Variants in QRICH2 observed in about 807,000 individuals in gnomAD.
QRICH2 encodes glutamine rich 2, also known as glutamine-rich protein 2.
In QRICH2, 119 loss-of-function variants were observed where a neutral mutation model predicts 168.3. The ratio of observed to expected loss-of-function variants is 0.71; its 90% confidence interval spans 0.61 to 0.82. QRICH2 has a LOEUF of 0.82. Among genes scored for constraint, QRICH2 ranks in the 40% least tolerant of loss-of-function variants. The pLI, the probability that QRICH2 is intolerant of heterozygous loss-of-function variation, is 0.00. For synonymous variants in QRICH2, 894 were observed against 951.2 expected (o/e 0.94, Z 1.11); for missense variants, 2,241 against 2,491.6 (o/e 0.90, Z 2.14).
chr17:76,279,089 C>T lies in QRICH2; in HGVS notation c.4868G>A (p.Arg1623His), dbSNP rs200114137. The change falls in exon 14 of 19, where the codon CGC becomes CAC. Residue 1623 changes from arginine (R) to histidine (H), a missense_variant. Transcript: ENST00000680821. ...GPGLPGHHSI[R>H]PYTVFELEQV... Reference sequence around the variant, plus strand: ...CTCCAGTTCAAACACCGTGTAGGGGCGGATGGAATGGTGCCCAGGTAGGCC... The same window carrying T: ...CTCCAGTTCAAACACCGTGTAGGGGTGGATGGAATGGTGCCCAGGTAGGCC... The T allele has an allele frequency of 1.2e-3, 1,857 of 1,613,858 alleles. 40 individuals carry two copies. The South Asian group carries it at 0.019, about 16-fold the overall frequency.
At chr17:76,303,872 CAAAAAAAA>C (rs67296304) in intron 3 of QRICH2, among the ~76,000 whole-genome samples, 1 of 71,674 alleles carries the variant, frequency 1.4e-5, no homozygotes, top group African/African-American at 5.4e-5. Flanking sequence ...AACTCTGTCT[CAAAAAAAA>C]AAAAAAAAAA....
At chr17:76,284,821 A>G (rs893195173) in intron 7 of QRICH2, among the ~76,000 whole-genome samples, 1 of 146,216 alleles carries the variant, frequency 6.8e-6, no homozygotes. Context: ...CGTCTCAAAG[A>G]AAAAAAAAAA....
chr17:76,289,115 A>AG (rs2070942697), intron 5 of QRICH2, among the ~76,000 whole-genome samples: 1 of 151,840 alleles, frequency 6.6e-6, no homozygotes, highest in Admixed American at 6.6e-5. Flanking sequence ...AAAAAAAAAA[A>AG]AAAGAAAAAA....
chr17:76,304,323 T>C, intron 3 of QRICH2, 92 bp downstream of exon 3: 1 of 748,620 alleles, frequency 1.3e-6, no homozygotes, highest in Non-Finnish European at 2.2e-6. Context: ...GAACTATGAA[T>C]ATCCATAGAA....
chr17:76,274,123 G>A lies in QRICH2; in HGVS notation c.5620C>T (p.Leu1874Phe). The stretch of plus-strand genomic sequence containing the variant: ...CGCGGCCCCCGCGTGGGCTCCTCGA[G>A]CCCCTCCCCAGGAGGCATGTCCACG... ...RHVDMPPGEGLEEPTRGPRSS... is the reference protein window; with the variant it reads ...RHVDMPPGEGFEEPTRGPRSS... Residue 1874 changes from leucine to phenylalanine, a missense_variant, in exon 19 of 19, where the codon CTC (leucine) becomes TTC (phenylalanine). Coordinates refer to ENST00000680821, the MANE Select transcript of QRICH2 (RefSeq NM_001388453.1). 6.3e-7 allele frequency: 1 copy of A among 1,587,776 alleles called. No individual in the cohort carries two copies. The highest frequency in any genetic ancestry group is 2.4e-5 in the East Asian group (1 of 42,208).
rs772576538 is a variant in QRICH2, at chr17:76,304,478, G to A, written c.642C>T (p.Val214=). 3.1e-6 allele frequency: 5 copies of A among 1,613,708 alleles called. No individual in the cohort carries two copies. The South Asian group carries it at 5.5e-5, about 18-fold the overall frequency. The change falls in exon 3 of 19, where the codon GTC becomes GTT. Residue 214 remains valine (V), a synonymous_variant. Coordinates refer to ENST00000680821, the MANE Select transcript of QRICH2 (RefSeq NM_001388453.1). ...KLSLVPGAEE[V]TMVTWEELEQ... Reference sequence around the variant, plus strand: ...CCAGCTCTTCCCAGGTGACCATGGTGACTTCTTCTGCACCAGGAACCAAAC... The same window carrying A: ...CCAGCTCTTCCCAGGTGACCATGGTAACTTCTTCTGCACCAGGAACCAAAC...
At chr17:76,306,180 A>C (rs1270147065) in intron 1 of QRICH2, among the ~76,000 whole-genome samples, 1 of 151,270 alleles carries the variant, frequency 6.6e-6, no homozygotes, top group African/African-American at 2.4e-5. Context: ...AAAAAAAAAA[A>C]AAAAAAAAAA....
chr17:76,303,851 TAATAG>T (rs1228197930), intron 3 of QRICH2, among the ~76,000 whole-genome samples: 2 of 107,158 alleles, frequency 1.9e-5, no homozygotes, highest in Non-Finnish European at 3.5e-5. Flanking sequence ...CCAGCCTGGG[TAATAG>T]AGCAAAACTC....
In QRICH2 at chr17:76,280,204, G is replaced by A. The variant is rs1279719097; in HGVS notation, c.4627-50C>T. 5 of 1,607,574 alleles carry A rather than the reference G, an allele frequency of 3.1e-6. No individual in the cohort carries two copies. Among genetic ancestry groups the A allele is most frequent in the Non-Finnish European group, 4.3e-6 (5 of 1,175,982 alleles). On this transcript the variant is annotated intron_variant, in intron 11 of 18. Coordinates refer to ENST00000680821, the MANE Select transcript of QRICH2 (RefSeq NM_001388453.1). This position sits in a 1 kb window ranked among gnomAD's most constrained non-coding sequence, Gnocchi z 7.4. ...GGGACCTCTAAGGAAGCAGGTAGGG[G>A]GCTGACCCAGGAGAAGGTGGTGCTG...
intron 4 of QRICH2, among the ~76,000 whole-genome samples, chr17:76,290,681 A>G (rs1470764761): frequency 2.0e-5 from 3 of 152,124 alleles, no homozygotes; most frequent in Non-Finnish European, 4.4e-5. Flanking sequence ...CATTGCTCCC[A>G]GTCAAAATGT....
Position 76,307,774 on chromosome 17 carries a change from C to A in QRICH2, c.225G>T (p.Ala75=), listed in dbSNP as rs947776799. ...RSSFSIPHLP[A]PKEVPKGAPR... ...GCGCCCCCTTGGGCACCTCCTTGGGCGCGGGCAGGTGCGGGATGCTGAACG... is the reference window on the plus strand; with the variant it reads ...GCGCCCCCTTGGGCACCTCCTTGGGAGCGGGCAGGTGCGGGATGCTGAACG... The change falls in exon 1 of 19, where the codon GCG becomes GCT. Residue 75 remains alanine, a synonymous_variant. Coordinates refer to ENST00000680821, the MANE Select transcript of QRICH2 (RefSeq NM_001388453.1). This position sits in a 1 kb window ranked among gnomAD's most constrained non-coding sequence, Gnocchi z 5.3. The A allele has an allele frequency of 1.4e-6, 2 of 1,383,800 alleles. No homozygotes were observed. Among genetic ancestry groups the A allele is most frequent in the Admixed American group, 6.6e-5 (2 of 30,248 alleles). 85.7% of individuals were successfully genotyped at this position (1,383,800 alleles called of 1,614,324 possible).
rs565198944 is a variant in QRICH2 at position 76,301,007 on chromosome 17, T to A, written c.705+3408A>T. On this transcript the variant is annotated intron_variant, in intron 3 of 18. Transcript: ENST00000680821. The stretch of plus-strand genomic sequence containing the variant: ...AGGTGGAGGTTGCAGTGAGCCAAGA[T>A]CATGCCACTGCACTCCAGCCTGGGC... Among the ~76,000 whole-genome samples the A allele has an allele frequency of 1.4e-4, 22 of 151,752 alleles. No homozygotes were observed. The South Asian group carries it at 4.2e-3, about 29-fold the overall frequency.
chr17:76,277,849 G>A (rs904675953), intron 15 of QRICH2, 140 bp downstream of exon 15: 16 of 859,070 alleles, frequency 1.9e-5, no homozygotes, highest in East Asian at 1.3e-4. Flanking sequence ...AACACCCCTC[G>A]CCCACACTTT....
At position 76,307,690 on chromosome 17, in the gene QRICH2, C is replaced by A; in HGVS notation, c.309G>T (p.Val103=). The A allele has an allele frequency of 6.9e-7, 1 of 1,448,852 alleles. No individual in the cohort carries two copies. The highest frequency in any genetic ancestry group is 9.1e-7 in the Non-Finnish European group (1 of 1,100,046). The allele number at this position is 1,448,852 out of a possible 1,614,324, so 89.7% of individuals were successfully genotyped here. A position where few individuals can be genotyped will look rare whatever the true frequency, so the allele number is the denominator to read the frequency against. ...CCTCCACCTGGCCGCCCAGGTCCTT[C>A]ACTTGGCTCTCCAGCGCTGACGAAG... ...QAPSSALESQ[V]KDLGGQVEDL... Residue 103 remains valine, a synonymous_variant, in exon 1 of 19, where the codon GTG becomes GTT. Transcript: ENST00000680821. This position sits in a 1 kb window ranked among gnomAD's most constrained non-coding sequence, Gnocchi z 5.3.
At chr17:76,276,096 GC>G in intron 17 of QRICH2, 149 bp from the exon 18 acceptor site, 1 of 981,546 alleles carries the variant, frequency 1.0e-6, no homozygotes, top group Non-Finnish European at 1.5e-6. Context: ...TTGTGGCTAT[GC>G]CCCAGAGAAG....
At chr17:76,279,456 G>A in intron 12 of QRICH2, 28 bp from the exon 13 acceptor site, 1 of 1,586,866 alleles carries the variant, frequency 6.3e-7, no homozygotes, top group Non-Finnish European at 8.6e-7. Context: ...CACACGCAGG[G>A]TGAGTGCTCT....
rs1347122502 is a variant in QRICH2, at chr17:76,279,096, A to G, written c.4861T>C (p.Ser1621Pro). The G allele has an allele frequency of 6.2e-7, 1 of 1,613,692 alleles. No homozygotes were observed. The highest frequency in any genetic ancestry group is 8.5e-7 in the Non-Finnish European group (1 of 1,179,986). The change falls in exon 14 of 19, where the codon TCC (serine) becomes CCC (proline). Residue 1621 changes from serine to proline, a missense_variant. Physicochemically the swap from Ser to Pro is moderately conservative, Grantham distance 74 (BLOSUM62 -1). Transcript: ENST00000680821. Reference sequence around the variant, plus strand: ...TCAAACACCGTGTAGGGGCGGATGGAATGGTGCCCAGGTAGGCCTGGACCC... The same window carrying G: ...TCAAACACCGTGTAGGGGCGGATGGGATGGTGCCCAGGTAGGCCTGGACCC... The part of the protein sequence containing the change: ...PAGPGLPGHH[S>P]IRPYTVFELE...
chr17:76,285,293 G>A (rs2070862349), intron 7 of QRICH2, among the ~76,000 whole-genome samples: 1 of 152,002 alleles, frequency 6.6e-6, no homozygotes, highest in Non-Finnish European at 1.5e-5. Flanking sequence ...CACCTCGCCC[G>A]GCTAATTTTT....
At chr17:76,287,037 C>CAA (rs56156337) in intron 7 of QRICH2, among the ~76,000 whole-genome samples, 155 bp downstream of exon 7, 1 of 132,548 alleles carries the variant, frequency 7.5e-6, no homozygotes, top group African/African-American at 2.8e-5. Flanking sequence ...TGCCCACACA[C>CAA]CACATAACAC....
Sources: allele counts gnomAD v4.1 joint callset (sites outside exome capture counted in the v4.1 genomes callset), GRCh38; gene constraint gnomAD v4.1.1; non-coding constraint Gnocchi (gnomAD v3.1); transcripts MANE v1.5; gene names NCBI Gene and HGNC (gene_info 2026-07-23, HGNC 2026-07-21).